The following IGSF5 variants were observed in gnomAD, a reference collection of about 807,000 sequenced individuals.
IGSF5 encodes immunoglobulin superfamily 5 like.
Under a neutral mutation model 39.4 loss-of-function variants are expected in IGSF5, and 41 were observed. The observed-to-expected ratio is 1.04, with a 90% confidence interval of 0.81 to 1.35. The LOEUF is 1.35. Ranked by LOEUF, IGSF5 falls within the 40% of genes most tolerant of loss-of-function variation. IGSF5 has a pLI of 0.00. For synonymous variants in IGSF5, 183 were observed against 175.3 expected, an observed-to-expected ratio of 1.04 and a Z score of -0.34; for missense variants, 487 against 494.6, an observed-to-expected ratio of 0.98 and a Z score of 0.15.
intron 3 of IGSF5, among the ~76,000 whole-genome samples, chr21:39,766,322 G>C (rs1349652526): frequency 6.6e-6 from 1 of 152,066 alleles, no homozygotes; most frequent in Non-Finnish European, 1.5e-5. Context: ...TTCTGGAAAC[G>C]TATCCTGGAA....
chr21:39,738,476 C>T, the IGSF5 span, among the ~76,000 whole-genome samples: 2 of 152,098 alleles, frequency 1.3e-5, no homozygotes, highest in African/African-American at 4.8e-5. The surrounding 1 kb of genome is among the most constrained non-coding windows in gnomAD (Gnocchi z 6.4). Flanking sequence ...CAGCTGGCAA[C>T]TGTGAATTAA....
chr21:39,713,590 G>A, the IGSF5 span, among the ~76,000 whole-genome samples: 2 of 152,150 alleles, frequency 1.3e-5, no homozygotes, highest in Non-Finnish European at 2.9e-5. Flanking sequence ...ACCTCAGCCT[G>A]GACCTGCTGC....
intron 5 of IGSF5, among the ~76,000 whole-genome samples, chr21:39,785,526 A>C (rs981623923): frequency 1.3e-5 from 2 of 152,068 alleles, no homozygotes; most frequent in Non-Finnish European, 2.9e-5. Flanking sequence ...CTTAGGATTG[A>C]TTTGGCGATG....
chr21:39,779,276 G>A lies in IGSF5; in HGVS notation c.905G>A (p.Arg302His), dbSNP rs78244022. ...TGTTGTGGCTGCAACTGCTGCTGCCGTTGTTGTTTCTGCTGTAGAAGAAAA... is the reference window on the plus strand; with the variant it reads ...TGTTGTGGCTGCAACTGCTGCTGCCATTGTTGTTTCTGCTGTAGAAGAAAA... ...RRCCGCNCCCRCCFCCRRKRG... is the reference protein window; with the variant it reads ...RRCCGCNCCCHCCFCCRRKRG... Residue 302 changes from arginine to histidine, a missense_variant, in exon 5 of 9, where the codon CGT (arginine) becomes CAT (histidine). Physicochemically the swap from Arg to His is conservative, Grantham distance 29. Coordinates refer to ENST00000380588, the MANE Select transcript of IGSF5 (RefSeq NM_001080444.2). The A allele has an allele frequency of 1.8e-3, 2,969 of 1,613,090 alleles. 40 individuals are homozygous for A. The East Asian group carries it at 0.03, about 17-fold the overall frequency.
At position 39,746,230 on chromosome 21, in the gene IGSF5, C is replaced by T. The variant is rs535627085; in HGVS notation, c.32C>T (p.Thr11Ile). 5.7e-5 allele frequency: 40 copies of T among 701,932 alleles called. No individual in the cohort carries two copies. In the African/African-American group the frequency reaches 6.3e-4, roughly 11 times the overall value. The allele number at this position is 701,932 out of a possible 1,614,324, so 43.5% of individuals were successfully genotyped here. A position where few individuals can be genotyped will look rare whatever the true frequency, so the allele number is the denominator to read the frequency against. Residue 11 changes from threonine to isoleucine, a missense_variant, in exon 2 of 9, where the codon ACT (threonine) becomes ATT (isoleucine). Coordinates refer to ENST00000380588, the MANE Select transcript of IGSF5 (RefSeq NM_001080444.2). MGQKERSTADTLPDLEEWKSA... is the reference protein window; with the variant it reads MGQKERSTADILPDLEEWKSA... ...CACTGGATCAGGAGCACAGCAGATA[C>T]TCTGCCGGATCTGGAGGAATGGAAG...
chr21:39,738,472 G>A, the IGSF5 span, among the ~76,000 whole-genome samples: 1 of 151,520 alleles, frequency 6.6e-6, no homozygotes, highest in African/African-American at 2.4e-5. The surrounding 1 kb of genome is among the most constrained non-coding windows in gnomAD (Gnocchi z 6.4). Context: ...ATATCAGCTG[G>A]CAACTGTGAA....
At chr21:39,791,619 A>G (rs2837224) in intron 6 of IGSF5, 74,113 of 164,498 alleles carry the variant, frequency 0.45, 17,381 homozygotes, top group East Asian at 0.62. Flanking sequence ...TTAGGTAGCC[A>G]TAGACAATAT....
intron 2 of IGSF5, among the ~76,000 whole-genome samples, chr21:39,764,685 G>T (rs779664823): frequency 6.6e-6 from 1 of 152,190 alleles, no homozygotes; most frequent in Non-Finnish European, 1.5e-5. Context: ...GGGAGGAGCT[G>T]CAGTTTTTGG....
intron 2 of IGSF5, among the ~76,000 whole-genome samples, chr21:39,754,707 C>T (rs1421183008): frequency 6.6e-6 from 1 of 152,140 alleles, no homozygotes; most frequent in Non-Finnish European, 1.5e-5. Context: ...TTCAAGTCTG[C>T]TATAATGAAA....
At chr21:39,772,978 A>G (rs1021006959) in intron 4 of IGSF5, among the ~76,000 whole-genome samples, 1 of 152,318 alleles carries the variant, frequency 6.6e-6, no homozygotes, top group South Asian at 2.1e-4. Flanking sequence ...AATTTTTTAA[A>G]AAAACTTTTA....
chr21:39,796,367 C>T (rs1186338859), intron 8 of IGSF5, among the ~76,000 whole-genome samples: 1 of 152,178 alleles, frequency 6.6e-6, no homozygotes. Flanking sequence ...TCACCAGGTT[C>T]GTGCTGTGTG....
intron 2 of IGSF5, among the ~76,000 whole-genome samples, chr21:39,755,721 G>A (rs1420280785): frequency 2.0e-5 from 3 of 152,188 alleles, no homozygotes; most frequent in African/African-American, 7.2e-5. Flanking sequence ...AGGCATATGT[G>A]TAGGGATTTG....
chr21:39,752,110 C>G (rs1008284438), intron 2 of IGSF5, among the ~76,000 whole-genome samples: 3 of 152,086 alleles, frequency 2.0e-5, no homozygotes, highest in Non-Finnish European at 4.4e-5. Flanking sequence ...GACGTTAGTG[C>G]ACCTGTCACC....
At chr21:39,791,143 A>G (rs2086962242) in intron 6 of IGSF5, among the ~76,000 whole-genome samples, 1 of 152,078 alleles carries the variant, frequency 6.6e-6, no homozygotes, top group South Asian at 2.1e-4. Flanking sequence ...ACAGTGCCAC[A>G]TTTTTCCAAA....
intron 2 of IGSF5, among the ~76,000 whole-genome samples, chr21:39,763,613 C>T (rs2080071380): frequency 6.6e-6 from 1 of 152,152 alleles, no homozygotes; most frequent in Non-Finnish European, 1.5e-5. Context: ...CAGAGGGATG[C>T]TTGTTCTGTT....
At chr21:39,773,110 T>C (rs1038613790) in intron 4 of IGSF5, among the ~76,000 whole-genome samples, 1 of 152,202 alleles carries the variant, frequency 6.6e-6, no homozygotes, top group Non-Finnish European at 1.5e-5. Flanking sequence ...TTATTTTTCC[T>C]GCTTCTCTCC....
At chr21:39,757,704 G>C (rs2080038551) in intron 2 of IGSF5, among the ~76,000 whole-genome samples, 2 of 151,742 alleles carry the variant, frequency 1.3e-5, no homozygotes, top group Non-Finnish European at 2.9e-5. Flanking sequence ...AGCCTCCTGA[G>C]TACCTGGGAT....
chr21:39,765,683 C>T lies in IGSF5; in HGVS notation c.249C>T (p.Pro83=), dbSNP rs148193735. The part of the protein sequence containing the change: ...LSDMVVLSVR[P]MEPIITNDRF... ...ACATGGTGGTGCTAAGCGTCAGGCCCATGGAGCCCATCATCACCAATGACC... is the reference window on the plus strand; with the variant it reads ...ACATGGTGGTGCTAAGCGTCAGGCCTATGGAGCCCATCATCACCAATGACC... The change falls in exon 3 of 9, where the codon CCC becomes CCT. Residue 83 remains proline (P), a synonymous_variant. Coordinates refer to ENST00000380588, the MANE Select transcript of IGSF5 (RefSeq NM_001080444.2). The T allele has an allele frequency of 1.4e-5, 23 of 1,613,996 alleles. No individual in the cohort carries two copies. The African/African-American group carries it at 2.5e-4, about 18-fold the overall frequency.
chr21:39,749,883 T>C (rs1009497866), intron 2 of IGSF5, among the ~76,000 whole-genome samples: 2 of 152,230 alleles, frequency 1.3e-5, no homozygotes, highest in African/African-American at 4.8e-5. Flanking sequence ...CAGATACACA[T>C]TTGTCTCAGG....
Sources: gnomAD v4.1 joint callset for allele counts (sites outside exome capture counted in the v4.1 genomes callset) on GRCh38, gnomAD v4.1.1 for gene constraint, Gnocchi (gnomAD v3.1) non-coding constraint, MANE v1.5 for transcripts, NCBI Gene and HGNC (gene_info 2026-07-23, HGNC 2026-07-21) for gene names.